DAB1: variants seen among roughly 807,000 people sequenced by gnomAD.
The protein encoded by DAB1 is DAB adaptor protein 1.
Under a neutral mutation model 64.6 loss-of-function variants are expected in DAB1, and 15 were observed. That is an observed-to-expected ratio of 0.23 (90% confidence interval 0.16 to 0.36). The LOEUF (loss-of-function observed/expected upper bound fraction) is 0.36, where lower values mean the gene tolerates loss of function less well. Among genes scored for constraint, DAB1 ranks in the 10% least tolerant of loss-of-function variants. The pLI is 1.00. For synonymous variants in DAB1, 235 were observed against 251.9 expected, an observed-to-expected ratio of 0.93 and a Z score of 0.64; for missense variants, 596 against 706.7, an observed-to-expected ratio of 0.84 and a Z score of 1.78.
intron 8 of DAB1, among the ~76,000 whole-genome samples, chr1:57,065,885 T>A (rs764678285): frequency 6.6e-6 from 1 of 152,210 alleles, no homozygotes; most frequent in Non-Finnish European, 1.5e-5. Context: ...GGTCACCATC[T>A]CATCCCCGTG....
At chr1:57,853,272 G>T (rs1653613810) in intron 1 of DAB1, among the ~76,000 whole-genome samples, 1 of 151,670 alleles carries the variant, frequency 6.6e-6, no homozygotes, top group African/African-American at 2.4e-5. Context: ...CCATTTGGGA[G>T]AAGAATGAAC....
intron 6 of DAB1, among the ~76,000 whole-genome samples, chr1:57,709,632 A>G (rs115129459): frequency 0.015 from 2,263 of 152,186 alleles, 69 homozygotes; most frequent in African/African-American, 0.051. Flanking sequence ...GGTCCCAGAG[A>G]AAATGGGTTG....
chr1:57,241,212 C>T (rs2100476611), intron 2 of DAB1, among the ~76,000 whole-genome samples: 1 of 152,114 alleles, frequency 6.6e-6, no homozygotes, highest in Non-Finnish European at 1.5e-5. Flanking sequence ...CTCTTGTCAC[C>T]CATCAGTCAA....
intron 2 of DAB1, among the ~76,000 whole-genome samples, chr1:57,151,956 G>A (rs1433210376): frequency 2.0e-5 from 3 of 151,904 alleles, no homozygotes; most frequent in Admixed American, 6.6e-5. Context: ...TGGGGTTACA[G>A]GTGCCCGCCA....
chr1:58,392,828 C>T (rs1644487260), intron 3 of DAB1, among the ~76,000 whole-genome samples: 1 of 152,206 alleles, frequency 6.6e-6, no homozygotes, highest in African/African-American at 2.4e-5. Context: ...TTCTGTATAG[C>T]ATTTGAGTTT....
chr1:58,375,929 G>T (rs947580833), intron 3 of DAB1, among the ~76,000 whole-genome samples: 1 of 143,494 alleles, frequency 7.0e-6, no homozygotes, highest in Non-Finnish European at 1.6e-5. Flanking sequence ...ATGTGTCCAG[G>T]AATGTATCCA....
intron 1 of DAB1, among the ~76,000 whole-genome samples, chr1:57,396,902 A>T (rs553738902): frequency 2.6e-5 from 4 of 152,350 alleles, no homozygotes; most frequent in African/African-American, 9.6e-5. Flanking sequence ...TTTCCTCTAT[A>T]TATGTTTATC....
At chr1:57,812,315 TTGCCAAAAAAAAAAAAA>T (rs1347051493) in intron 6 of DAB1, among the ~76,000 whole-genome samples, 1 of 125,526 alleles carries the variant, frequency 8.0e-6, no homozygotes, top group Non-Finnish European at 1.6e-5. Flanking sequence ...CTGGGATTCA[TTGCCAAAAAAAAAAAAA>T]AAAAAAGAAA....
At chr1:57,272,203 G>C (rs966915384) in intron 2 of DAB1, among the ~76,000 whole-genome samples, 1 of 152,178 alleles carries the variant, frequency 6.6e-6, no homozygotes, top group Non-Finnish European at 1.5e-5. Context: ...CATGATTCCA[G>C]AGGAGGCCAA....
intron 2 of DAB1, among the ~76,000 whole-genome samples, chr1:57,277,272 G>A (rs544463789): frequency 4.6e-5 from 7 of 152,154 alleles, no homozygotes; most frequent in Admixed American, 3.9e-4. Flanking sequence ...TCTAGCTGTG[G>A]GCAGGATACT....
At chr1:58,085,753 G>GCT (rs545159764) in intron 5 of DAB1, among the ~76,000 whole-genome samples, 5 of 151,696 alleles carry the variant, frequency 3.3e-5, no homozygotes, top group African/African-American at 1.2e-4. Context: ...CCCCCTACAC[G>GCT]CTCCAACCCT....
Position 58,137,479 on chromosome 1 carries a change from C to CACCCTCCATCTATCT in DAB1, n.387+13017_387+13031dup, listed in dbSNP as rs113113090. Among the ~76,000 whole-genome samples, 5 of 152,256 alleles carry CACCCTCCATCTATCT rather than the reference C, an allele frequency of 3.3e-5. No homozygotes were observed. In the East Asian group the frequency reaches 9.7e-4, roughly 29 times the overall value. On this transcript the variant is annotated intron_variant and non_coding_transcript_variant, in intron 5 of 20. Coordinates refer to the DAB1 transcript ENST00000485760. Reference sequence around the variant, plus strand: ...CCATCTATCCATCCATTTATCCATTCACCCTCCATCTATCTACCCTCCATC... The same window carrying CACCCTCCATCTATCT: ...CCATCTATCCATCCATTTATCCATTCACCCTCCATCTATCTACCCTCCATCTATCTACCCTCCATC...
At chr1:57,443,332 A>T (rs1021894297) in intron 7 of DAB1, among the ~76,000 whole-genome samples, 14 of 152,236 alleles carry the variant, frequency 9.2e-5, no homozygotes, top group African/African-American at 2.4e-5. Flanking sequence ...ACAAAGGATT[A>T]TGAGAAACAG....
intron 4 of DAB1, among the ~76,000 whole-genome samples, chr1:57,093,271 GA>G (rs1000875458): frequency 6.6e-6 from 1 of 152,168 alleles, no homozygotes; most frequent in Non-Finnish European, 1.5e-5. Flanking sequence ...TTGTGGAGTG[GA>G]AAAAGGTCCC....
chr1:58,258,063 A>G (rs1365429430), intron 4 of DAB1, among the ~76,000 whole-genome samples: 2 of 152,220 alleles, frequency 1.3e-5, no homozygotes, highest in Non-Finnish European at 2.9e-5. Context: ...CCTCGTACAC[A>G]TGCACACATA....
intron 3 of DAB1, among the ~76,000 whole-genome samples, chr1:58,422,602 A>ATT (rs36063995): frequency 3.9e-5 from 5 of 128,218 alleles, no homozygotes; most frequent in East Asian, 2.2e-4. Flanking sequence ...CAGGAGGCAA[A>ATT]TTTTTTTTTT....
intron 2 of DAB1, among the ~76,000 whole-genome samples, chr1:57,150,096 T>G (rs1275425392): frequency 6.6e-6 from 1 of 152,098 alleles, no homozygotes; most frequent in Admixed American, 6.5e-5. Flanking sequence ...AAGCCCCAGC[T>G]CTCTGACCTA....
chr1:57,511,443 C>T (rs1039431559), intron 7 of DAB1, among the ~76,000 whole-genome samples: 18 of 152,144 alleles, frequency 1.2e-4, no homozygotes, highest in Non-Finnish European at 1.9e-4. Flanking sequence ...TACATGACTG[C>T]CTTATTCTAT....
chr1:57,091,169 G>C (rs2100658651), intron 4 of DAB1, among the ~76,000 whole-genome samples: 1 of 152,036 alleles, frequency 6.6e-6, no homozygotes, highest in Admixed American at 6.5e-5. Flanking sequence ...ACTCACTCAG[G>C]GTGAGTGGAA....
Sources: allele counts gnomAD v4.1 joint callset (sites outside exome capture counted in the v4.1 genomes callset), GRCh38; gene constraint gnomAD v4.1.1; transcripts MANE v1.5; gene names NCBI Gene and HGNC (gene_info 2026-07-23, HGNC 2026-07-21).